The following SNX31 variants were observed in gnomAD, a reference collection of about 807,000 sequenced individuals.
The protein encoded by SNX31 is sorting nexin 31.
In SNX31, 58 loss-of-function variants were observed where a neutral mutation model predicts 65.4. That is an observed-to-expected ratio of 0.89 (90% CI 0.72 to 1.10). The LOEUF is 1.10. SNX31 is among the 50% of genes least tolerant of loss of function. The pLI, the probability that SNX31 is intolerant of heterozygous loss-of-function variation, is 0.00. For synonymous variants in SNX31, 181 were observed against 190.1 expected, an observed-to-expected ratio of 0.95 and a Z score of 0.39; for missense variants, 523 against 529.7, an observed-to-expected ratio of 0.99 and a Z score of 0.12.
intron 2 of SNX31, 47 bp from the exon 3 acceptor site, chr8:100,636,058 A>G: frequency 7.1e-7 from 1 of 1,401,052 alleles, no homozygotes; most frequent in East Asian, 2.3e-5. Flanking sequence ...CCGCCAGTTC[A>G]GGGTTGATGA....
intron 5 of SNX31, among the ~76,000 whole-genome samples, chr8:100,616,084 T>C (rs1235552347): frequency 1.3e-5 from 2 of 152,126 alleles, no homozygotes; most frequent in African/African-American, 4.8e-5. Context: ...AAAACATATC[T>C]AGACATAGAG....
chr8:100,654,137 G>A (rs576984378), upstream of SNX31, among the ~76,000 whole-genome samples: 2 of 152,214 alleles, frequency 1.3e-5, no homozygotes, highest in South Asian at 4.2e-4. Context: ...CTCCCAAGTA[G>A]CTGGGACTAC....
chr8:100,654,626 C>T (rs1218067918), upstream of SNX31, among the ~76,000 whole-genome samples: 2 of 152,202 alleles, frequency 1.3e-5, no homozygotes, highest in Non-Finnish European at 2.9e-5. Flanking sequence ...CCCCAGGGGA[C>T]CTGGGAATGG....
intron 1 of SNX31, chr8:100,657,584 A>C (rs1820072392): frequency 9.3e-6 from 4 of 432,406 alleles, no homozygotes; most frequent in South Asian, 5.0e-5. Flanking sequence ...CAGCAGGTAT[A>C]CCTGTGGAGT....
Position 100,609,305 on chromosome 8 carries a change from G to T in SNX31, c.612-742C>A, listed in dbSNP as rs1340339682. Among the ~76,000 whole-genome samples, 1 of 152,086 alleles carries T rather than the reference G, an allele frequency of 6.6e-6. No homozygotes were observed. Among genetic ancestry groups the T allele is most frequent in the Admixed American group, 6.6e-5 (1 of 15,256 alleles). ...AGCCTTATGCAGTGCCCCCTCCTCTGGTCCCTACTCCCCAAGGCTGTATTA... is the reference window on the plus strand; with the variant it reads ...AGCCTTATGCAGTGCCCCCTCCTCTTGTCCCTACTCCCCAAGGCTGTATTA... On this transcript the variant is annotated intron_variant, in intron 7 of 13. Coordinates refer to ENST00000311812, the MANE Select transcript of SNX31 (RefSeq NM_152628.4). The surrounding 1 kb of genome is among the most constrained non-coding windows in gnomAD (Gnocchi z 4.9).
rs183201175 is a variant in SNX31 at position 100,656,653 on chromosome 8, A to C, written c.-58+6489T>G. ...GAGACTCTGTCTCAAAAAAAAAAAA[A>C]AAAAAAAAAAAAACCTTTAAGAGCA... is the stretch of plus-strand genomic sequence containing the variant. On this transcript the variant is annotated intron_variant, in intron 1 of 5. Coordinates refer to the SNX31 transcript ENST00000520352. Among the ~76,000 whole-genome samples, 1,049 of 151,594 alleles carry C rather than the reference A, an allele frequency of 6.9e-3. 26 individuals are homozygous for C. The highest frequency in any genetic ancestry group is 0.021 in the African/African-American group (855 of 41,336).
In SNX31 at chr8:100,622,341, C is replaced by T. The variant is rs1470669379; in HGVS notation, c.322-4611G>A. 6.6e-6 allele frequency among the ~76,000 whole-genome samples: 1 copy of T among 152,124 alleles called. No individual in the cohort carries two copies. Among genetic ancestry groups the T allele is most frequent in the African/African-American group, 2.4e-5 (1 of 41,430 alleles). On this transcript the variant is annotated intron_variant, in intron 4 of 13. Transcript: ENST00000311812. The surrounding 1 kb of genome is among the most constrained non-coding windows in gnomAD (Gnocchi z 5.0). ...CAAGTGAGAAGAGAAAAAGAACTAG[C>T]ATAGTAGCGTCCGCAATGGGGCATT...
At chr8:100,598,611 T>C (rs1160848512) in intron 9 of SNX31, among the ~76,000 whole-genome samples, 2 of 152,022 alleles carry the variant, frequency 1.3e-5, no homozygotes, top group Non-Finnish European at 2.9e-5. Context: ...TTACTAACTA[T>C]ATGAACACCA....
intron 7 of SNX31, 93 bp from the exon 8 acceptor site, chr8:100,608,656 T>C (rs974467373): frequency 3.4e-6 from 4 of 1,164,178 alleles, no homozygotes; most frequent in Non-Finnish European, 5.1e-6. Context: ...CTCTACCCTA[T>C]GAACCAGGGC....
intron 2 of SNX31, among the ~76,000 whole-genome samples, chr8:100,644,302 T>C (rs182094965): frequency 6.6e-6 from 1 of 152,274 alleles, no homozygotes; most frequent in Non-Finnish European, 1.5e-5. Flanking sequence ...CAGAGCCCCA[T>C]ATCACTGTTC....
At position 100,598,694 on chromosome 8, in the gene SNX31, TAC is replaced by T. The variant is rs1458661843; in HGVS notation, c.774+1653_774+1654del. The stretch of plus-strand genomic sequence containing the variant: ...TGTACCTAAAAAAGACAATTTAACA[TAC>T]ACAGCTGCAGAAAGTATGTTTATAT... On this transcript the variant is annotated intron_variant, in intron 9 of 13. Transcript: ENST00000311812. 1.7e-4 allele frequency among the ~76,000 whole-genome samples: 25 copies of T among 150,036 alleles called. No homozygotes were observed. The East Asian group carries it at 4.8e-3, about 29-fold the overall frequency.
At chr8:100,645,270 C>T (rs1020696899) in intron 2 of SNX31, among the ~76,000 whole-genome samples, 1 of 152,118 alleles carries the variant, frequency 6.6e-6, no homozygotes, top group African/African-American at 2.4e-5. Flanking sequence ...ACTCATATTC[C>T]CCAAACACAC....
At chr8:100,583,654 C>T (rs184110129) in intron 12 of SNX31, among the ~76,000 whole-genome samples, 2 of 151,858 alleles carry the variant, frequency 1.3e-5, no homozygotes, top group African/African-American at 4.8e-5. Context: ...TACTACCTCC[C>T]CCAACTGTTA....
chr8:100,584,524 C>T (rs1466447497), intron 11 of SNX31, among the ~76,000 whole-genome samples: 1 of 151,894 alleles, frequency 6.6e-6, no homozygotes, highest in African/African-American at 2.4e-5. Flanking sequence ...GAGCAATAAA[C>T]AATAAAAACT....
At chr8:100,615,897 G>A (rs1449194670) in intron 5 of SNX31, among the ~76,000 whole-genome samples, 2 of 152,124 alleles carry the variant, frequency 1.3e-5, no homozygotes, top group Non-Finnish European at 2.9e-5. Context: ...AGCCTCCTGA[G>A]TAGCTGGGAC....
chr8:100,608,167 A>C (rs1816349501), intron 8 of SNX31, among the ~76,000 whole-genome samples: 1 of 152,216 alleles, frequency 6.6e-6, no homozygotes. Flanking sequence ...TCGTGGTAAA[A>C]TATATACAAC....
intron 3 of SNX31, among the ~76,000 whole-genome samples, chr8:100,635,258 GA>G (rs1481892035): frequency 8.6e-6 from 1 of 116,280 alleles, no homozygotes; most frequent in Non-Finnish European, 1.8e-5. Flanking sequence ...ATCTTTTTTA[GA>G]GTCACTGTCT....
In SNX31 at chr8:100,588,600, A is replaced by G. The variant is rs1563518766; in HGVS notation, c.1092+266T>C. On this transcript the variant is annotated intron_variant, in intron 11 of 13. Transcript: ENST00000311812. This position sits in a 1 kb window ranked among gnomAD's most constrained non-coding sequence, Gnocchi z 4.8. The stretch of plus-strand genomic sequence containing the variant: ...TTTACTATCCTTTAAGAAAAAGTCT[A>G]TGGACTCCTGGTCTAAGCCACTGTT... 6.6e-6 allele frequency among the ~76,000 whole-genome samples: 1 copy of G among 152,226 alleles called. No individual in the cohort carries two copies. The highest frequency in any genetic ancestry group is 1.5e-5 in the Non-Finnish European group (1 of 68,036).
At chr8:100,652,453 T>C (rs1053622094), upstream of SNX31, among the ~76,000 whole-genome samples, 1 of 152,226 alleles carries the variant, frequency 6.6e-6, no homozygotes, top group African/African-American at 2.4e-5. Flanking sequence ...GAGTGCTTCT[T>C]ATGAGCCAGG....
Sources: gnomAD v4.1 joint callset for allele counts (sites outside exome capture counted in the v4.1 genomes callset) on GRCh38, gnomAD v4.1.1 for gene constraint, Gnocchi (gnomAD v3.1) non-coding constraint, MANE v1.5 for transcripts, NCBI Gene and HGNC (gene_info 2026-07-23, HGNC 2026-07-21) for gene names.